The following PRKCE variants were observed in gnomAD, a reference collection of about 807,000 sequenced individuals.
PRKCE encodes protein kinase C epsilon type.
PRKCE carries 16 observed loss-of-function variants against 85.4 expected under a neutral mutation model. The ratio of observed to expected loss-of-function variants is 0.19; its 90% confidence interval spans 0.13 to 0.28. The LOEUF is 0.28. Ranked by LOEUF, PRKCE falls within the 10% of genes least tolerant of loss-of-function variation. The pLI is 1.00. For synonymous variants in PRKCE, 388 were observed against 371.5 expected (o/e 1.04, Z -0.51); for missense variants, 573 against 975.2 (o/e 0.59, Z 5.49).
intron 11 of PRKCE, among the ~76,000 whole-genome samples, chr2:46,097,519 C>CAAAAAAAAAAAAAAAAAAAAAAAAAAA (rs66634467): frequency 4.4e-4 from 41 of 94,082 alleles, no homozygotes; most frequent in South Asian, 8.1e-4. Flanking sequence ...GACTCCGTCT[C>CAAAAAAAAAAAAAAAAAAAAAAAAAAA]AAAAAAAAAA....
At chr2:45,725,447 A>T (rs907729942) in intron 1 of PRKCE, among the ~76,000 whole-genome samples, 3 of 152,216 alleles carry the variant, frequency 2.0e-5, no homozygotes, top group Non-Finnish European at 4.4e-5. Context: ...CTTATTGTTT[A>T]AGAAATACAT....
At chr2:46,115,279 T>C (rs1672659195) in intron 11 of PRKCE, among the ~76,000 whole-genome samples, 3 of 152,216 alleles carry the variant, frequency 2.0e-5, no homozygotes, top group Non-Finnish European at 4.4e-5. Context: ...ACAGACATTC[T>C]CAGGCATTGC....
intron 10 of PRKCE, chr2:46,078,371 TA>T (rs11387144): frequency 4.2e-3 from 537 of 128,110 alleles, no homozygotes; most frequent in Middle Eastern, 7.6e-3. Context: ...CTCTTGTCTC[TA>T]AAAAAAAAAA....
chr2:45,857,896 G>C (rs1027488861), intron 2 of PRKCE, among the ~76,000 whole-genome samples: 1 of 152,200 alleles, frequency 6.6e-6, no homozygotes, highest in Non-Finnish European at 1.5e-5. Flanking sequence ...AATGATTAAG[G>C]AATGGCCGTT....
chr2:46,120,589 T>C (rs1673214280), intron 11 of PRKCE, among the ~76,000 whole-genome samples: 1 of 152,144 alleles, frequency 6.6e-6, no homozygotes, highest in Non-Finnish European at 1.5e-5. Flanking sequence ...TTAGGTAGAG[T>C]ACAGCCATAT....
At chr2:45,710,275 T>TGC (rs1296187019) in intron 1 of PRKCE, among the ~76,000 whole-genome samples, 22 of 151,850 alleles carry the variant, frequency 1.4e-4, no homozygotes, top group South Asian at 2.1e-4. Flanking sequence ...AAGGAACACA[T>TGC]CCCCAGTTTT....
chr2:45,889,405 C>T (rs1558798826), intron 2 of PRKCE, among the ~76,000 whole-genome samples: 1 of 152,234 alleles, frequency 6.6e-6, no homozygotes, highest in Non-Finnish European at 1.5e-5. Flanking sequence ...GGTGAGAGGA[C>T]ACCTTCAACG....
chr2:45,712,768 T>C (rs13007813), intron 1 of PRKCE, among the ~76,000 whole-genome samples: 59,876 of 151,920 alleles, frequency 0.39, 12,087 homozygotes, highest in East Asian at 0.52. Context: ...TGGGCTTCCA[T>C]CTGCTTGGCT....
intron 1 of PRKCE, among the ~76,000 whole-genome samples, chr2:45,761,909 G>A (rs1684538702): frequency 6.6e-6 from 1 of 152,086 alleles, no homozygotes; most frequent in Non-Finnish European, 1.5e-5. Context: ...AGGTCTCCTT[G>A]TTTTTAAAGC....
chr2:45,834,825 A>G (rs1690723117), intron 1 of PRKCE, among the ~76,000 whole-genome samples: 2 of 152,170 alleles, frequency 1.3e-5, no homozygotes, highest in South Asian at 4.1e-4. Context: ...CTATTCATGG[A>G]CATTTAGGTC....
intron 1 of PRKCE, among the ~76,000 whole-genome samples, chr2:45,654,069 T>C (rs1331499222): frequency 6.6e-6 from 1 of 152,210 alleles, no homozygotes; most frequent in Non-Finnish European, 1.5e-5. Context: ...TTGTTGTTTT[T>C]GGACAGGAAG....
At chr2:45,817,556 T>C (rs1689172746) in intron 1 of PRKCE, among the ~76,000 whole-genome samples, 1 of 151,834 alleles carries the variant, frequency 6.6e-6, no homozygotes, top group Non-Finnish European at 1.5e-5. Flanking sequence ...CAGCCGGGCA[T>C]GGTGGTGGGC....
At position 45,833,103 on chromosome 2, in the gene PRKCE, A is replaced by C. The variant is rs148902936; in HGVS notation, c.349-9897A>C. Among the ~76,000 whole-genome samples the C allele has an allele frequency of 9.4e-3, 1,400 of 148,606 alleles. 6 individuals are homozygous for C. The highest frequency in any genetic ancestry group is 0.015 in the Non-Finnish European group (978 of 67,392). On this transcript the variant is annotated intron_variant, in intron 1 of 14. Coordinates refer to ENST00000306156, the MANE Select transcript of PRKCE (RefSeq NM_005400.3). Reference sequence around the variant, plus strand: ...GAGGCCGAGGTGGAAGGATCTCTTGAGGGCAGGAGTTCAAGACCAGCCTGG... The same window carrying C: ...GAGGCCGAGGTGGAAGGATCTCTTGCGGGCAGGAGTTCAAGACCAGCCTGG...
chr2:45,939,386 CCCTT>C (rs1394507500), intron 2 of PRKCE, among the ~76,000 whole-genome samples: 1 of 152,140 alleles, frequency 6.6e-6, no homozygotes, highest in Non-Finnish European at 1.5e-5. Flanking sequence ...CTTGGAGCTG[CCCTT>C]CCTTCCGCAT....
intron 2 of PRKCE, among the ~76,000 whole-genome samples, chr2:45,944,241 C>T (rs1201538460): frequency 2.6e-5 from 4 of 152,162 alleles, no homozygotes; most frequent in Non-Finnish European, 5.9e-5. Flanking sequence ...TTTTGATGCT[C>T]CTTTTGTTCC....
rs137981536 is a variant in PRKCE, at chr2:45,987,602, C to G, written c.823+2922C>G. On this transcript the variant is annotated intron_variant, in intron 6 of 14. Coordinates refer to ENST00000306156, the MANE Select transcript of PRKCE (RefSeq NM_005400.3). ...CCCCCCAACACACATGGCCTCCCCC[C>G]ACCAGCATCCCCACCACAGCAGCAC... is the stretch of plus-strand genomic sequence containing the variant. Among the ~76,000 whole-genome samples the G allele has an allele frequency of 1.2e-3, 189 of 152,084 alleles. 1 individual carries two copies. Among genetic ancestry groups the G allele is most frequent in the African/African-American group, 4.2e-3 (176 of 41,460 alleles).
chr2:45,800,190 C>A lies in PRKCE; in HGVS notation c.349-42810C>A, dbSNP rs544655978. ...AGTGTGTTAAAGCAAAGGCATGGAG[C>A]AGTATGCTAAACTCTGCACAGTCAG... On this transcript the variant is annotated intron_variant, in intron 1 of 14. Coordinates refer to ENST00000306156, the MANE Select transcript of PRKCE (RefSeq NM_005400.3). Among the ~76,000 whole-genome samples the A allele has an allele frequency of 2.0e-5, 3 of 152,324 alleles. No homozygotes were observed. The South Asian group carries it at 6.2e-4, about 32-fold the overall frequency.
At chr2:45,897,229 C>A (rs1375587932) in intron 2 of PRKCE, among the ~76,000 whole-genome samples, 7 of 152,122 alleles carry the variant, frequency 4.6e-5, no homozygotes, top group Non-Finnish European at 7.4e-5. Context: ...ATATTTCATT[C>A]ATCAGTCCAT....
chr2:46,021,282 T>C (rs939783932), intron 10 of PRKCE, among the ~76,000 whole-genome samples: 1 of 152,198 alleles, frequency 6.6e-6, no homozygotes, highest in African/African-American at 2.4e-5. Flanking sequence ...GCAAGGAGTT[T>C]GCACTTATTC....
Sources: gnomAD v4.1 joint callset for allele counts (sites outside exome capture counted in the v4.1 genomes callset) on GRCh38, gnomAD v4.1.1 for gene constraint, MANE v1.5 for transcripts, NCBI Gene and HGNC (gene_info 2026-07-23, HGNC 2026-07-21) for gene names.